S100A8: variants seen among roughly 807,000 people sequenced by gnomAD.
S100A8 encodes the protein protein S100-A8.
S100A8 carries 1 observed loss-of-function variant against 4.2 expected under a neutral mutation model. That is an observed-to-expected ratio of 0.24 (90% CI 0.08 to 1.12). The LOEUF (loss-of-function observed/expected upper bound fraction) is 1.12. Among genes scored for constraint, S100A8 ranks in the 50% most tolerant of loss-of-function variants. The probability of loss-of-function intolerance (pLI) is 0.53; values close to 1 mark genes in which losing one functional copy is unlikely to be tolerated. For synonymous variants in S100A8, 41 were observed against 44.7 expected (o/e 0.92, Z 0.33); for missense variants, 96 against 111.8 (o/e 0.86, Z 0.64).
upstream of S100A8, among the ~76,000 whole-genome samples, chr1:153,396,001 C>T (rs541190684): frequency 9.2e-5 from 14 of 152,346 alleles, no homozygotes; most frequent in Admixed American, 3.3e-4. Flanking sequence ...GTGCTACCAC[C>T]TGTGTGGTGG....
the S100A8 span, among the ~76,000 whole-genome samples, chr1:153,404,129 C>A: frequency 3.5e-3 from 537 of 152,262 alleles, 2 homozygotes; most frequent in South Asian, 0.014. Context: ...ACACACAGGG[C>A]CATGTATGAG....
the S100A8 span, among the ~76,000 whole-genome samples, chr1:153,408,558 A>G: frequency 6.6e-6 from 1 of 152,236 alleles, no homozygotes; most frequent in Non-Finnish European, 1.5e-5. Flanking sequence ...AGTCTGCAGG[A>G]TATTATCCAG....
chr1:153,407,043 C>A, the S100A8 span, among the ~76,000 whole-genome samples: 2 of 152,198 alleles, frequency 1.3e-5, no homozygotes, highest in African/African-American at 2.4e-5. Context: ...CAGCTCCCAG[C>A]GAAGCAGAAG....
chr1:153,402,102 G>A, the S100A8 span, among the ~76,000 whole-genome samples: 3,477 of 152,228 alleles, frequency 0.023, 140 homozygotes, highest in African/African-American at 0.079. Context: ...AAAAAGAATA[G>A]GATTTGAGCA....
chr1:153,417,486 G>C, the S100A8 span, among the ~76,000 whole-genome samples: 5 of 152,304 alleles, frequency 3.3e-5, no homozygotes, highest in East Asian at 1.9e-4. Flanking sequence ...GTCCTCGGGA[G>C]AGGGCTGTGT....
the S100A8 span, among the ~76,000 whole-genome samples, chr1:153,402,470 A>G: frequency 1.3e-5 from 2 of 152,322 alleles, no homozygotes; most frequent in Non-Finnish European, 1.5e-5. Flanking sequence ...GTGCTCAGGT[A>G]GGAGCCAGCC....
chr1:153,396,034 G>A (rs1318070418), upstream of S100A8, among the ~76,000 whole-genome samples: 2 of 152,234 alleles, frequency 1.3e-5, no homozygotes, highest in Non-Finnish European at 2.9e-5. Context: ...CCACAAGCGA[G>A]GCCTCGCTAT....
the S100A8 span, among the ~76,000 whole-genome samples, chr1:153,405,035 G>T: frequency 6.6e-6 from 1 of 152,058 alleles, no homozygotes; most frequent in Non-Finnish European, 1.5e-5. Flanking sequence ...CCCTTACAGT[G>T]TAAGTCAGAA....
the S100A8 span, among the ~76,000 whole-genome samples, chr1:153,409,631 G>T: frequency 6.6e-6 from 1 of 152,152 alleles, no homozygotes; most frequent in African/African-American, 2.4e-5. Context: ...GACATCTACA[G>T]AACTCTCCAC....
the S100A8 span, among the ~76,000 whole-genome samples, chr1:153,412,565 C>T: frequency 6.6e-6 from 1 of 152,200 alleles, no homozygotes; most frequent in Non-Finnish European, 1.5e-5. Flanking sequence ...TTGTGGAAGA[C>T]AGTGTGGCGA....
chr1:153,416,301 T>C, the S100A8 span, among the ~76,000 whole-genome samples: 2 of 152,152 alleles, frequency 1.3e-5, no homozygotes, highest in African/African-American at 4.8e-5. Flanking sequence ...AAATCAAGAT[T>C]GAGCCAGAGA....
the S100A8 span, among the ~76,000 whole-genome samples, chr1:153,400,048 T>A: frequency 6.6e-6 from 1 of 152,084 alleles, no homozygotes; most frequent in Admixed American, 6.5e-5. Context: ...GAGGCAGACA[T>A]CTAGCCAAAA....
At chr1:153,420,707 T>A in the S100A8 span, 1 of 152,202 alleles carries the variant, frequency 6.6e-6, no homozygotes, top group African/African-American at 2.4e-5. Context: ...TGTCTGACCA[T>A]TAGTTTTCTT....
At chr1:153,400,812 T>C in the S100A8 span, among the ~76,000 whole-genome samples, 2 of 152,134 alleles carry the variant, frequency 1.3e-5, no homozygotes, top group East Asian at 1.9e-4. Context: ...ATTTTAAAAA[T>C]CATCAGGAAA....
At chr1:153,419,377 C>T in the S100A8 span, 1 of 1,487,072 alleles carries the variant, frequency 6.7e-7, no homozygotes, top group Non-Finnish European at 9.1e-7. Flanking sequence ...CAGACACTTG[C>T]CTTATTTCTT....
the S100A8 span, among the ~76,000 whole-genome samples, chr1:153,401,781 G>A: frequency 1.6e-4 from 24 of 152,192 alleles, no homozygotes; most frequent in Non-Finnish European, 2.8e-4. Context: ...TGAGGTGGTG[G>A]TGAAGAGGAT....
At chr1:153,409,516 C>T in the S100A8 span, among the ~76,000 whole-genome samples, 2 of 152,116 alleles carry the variant, frequency 1.3e-5, no homozygotes, top group Admixed American at 1.3e-4. Flanking sequence ...TAGACTCCCA[C>T]ACAATAATAA....
chr1:153,392,834 T>C (rs11205282), upstream of S100A8, among the ~76,000 whole-genome samples: 13,214 of 152,226 alleles, frequency 0.087, 640 homozygotes, highest in Middle Eastern at 0.13. Flanking sequence ...CAGCTCTCTC[T>C]GGATGTGAGC....
At chr1:153,415,587 T>C in the S100A8 span, among the ~76,000 whole-genome samples, 1 of 152,082 alleles carries the variant, frequency 6.6e-6, no homozygotes, top group East Asian at 1.9e-4. Context: ...AGGGCACAAC[T>C]CCCAACTCCT....
Sources: gnomAD v4.1 joint callset for allele counts (sites outside exome capture counted in the v4.1 genomes callset) on GRCh38, gnomAD v4.1.1 for gene constraint, MANE v1.5 for transcripts, NCBI Gene and HGNC (gene_info 2026-07-23, HGNC 2026-07-21) for gene names.